The following ASPSCR1 variants were observed in gnomAD, a reference collection of about 807,000 sequenced individuals.
ASPSCR1 encodes ASPSCR1 tether for SLC2A4, UBX domain containing.
Under a neutral mutation model 68.9 loss-of-function variants are expected in ASPSCR1, and 55 were observed. That is an observed-to-expected ratio of 0.80 (90% confidence interval 0.64 to 1.00). The LOEUF is 1.00. ASPSCR1 is among the 50% of genes least tolerant of loss of function. The probability of loss-of-function intolerance (pLI) is 0.00; values close to 1 mark genes in which losing one functional copy is unlikely to be tolerated. For synonymous variants in ASPSCR1, 352 were observed against 332.6 expected (o/e 1.06, Z -0.63); for missense variants, 765 against 762.2 (o/e 1.00, Z -0.04).
intron 4 of ASPSCR1, among the ~76,000 whole-genome samples, chr17:81,988,111 T>C (rs1236295753): frequency 2.0e-5 from 3 of 150,042 alleles, no homozygotes; most frequent in Admixed American, 6.6e-5. Context: ...TGAGCCAAGA[T>C]TGCACTCAGC....
rs1199282231 is a variant in ASPSCR1 at position 81,983,613 on chromosome 17, A to G, written c.218A>G (p.Asn73Ser). The change falls in exon 3 of 16, where the codon AAT becomes AGT. Residue 73 changes from asparagine (N) to serine (S), a missense_variant. Transcript: ENST00000306739. The surrounding 1 kb of genome is among the most constrained non-coding windows in gnomAD (Gnocchi z 4.4). ...TGGAGATTTGCCAACCTGCCCAACA[A>G]TGCCAAGCTGGAGATGGTGCCCGCT... ...LQWRFANLPN[N>S]AKLEMVPASR... The G allele has an allele frequency of 5.0e-6, 8 of 1,613,568 alleles. No individual in the cohort carries two copies. The highest frequency in any genetic ancestry group is 3.3e-5 in the South Asian group (3 of 90,982).
chr17:82,014,746 G>T (rs866398894), intron 12 of ASPSCR1: 3 of 407,332 alleles, frequency 7.4e-6, no homozygotes, highest in Non-Finnish European at 1.4e-5. Context: ...TTGCTGCCCC[G>T]TGGGGGTTGA....
Position 81,987,553 on chromosome 17 carries a change from A to T in ASPSCR1, c.374+1946A>T, listed in dbSNP as rs2042036813. Among the ~76,000 whole-genome samples the T allele has an allele frequency of 6.6e-6, 1 of 152,156 alleles. No homozygotes were observed. Among genetic ancestry groups the T allele is most frequent in the East Asian group, 1.9e-4 (1 of 5,202 alleles). On this transcript the variant is annotated intron_variant, in intron 4 of 15. Transcript: ENST00000306739. The surrounding 1 kb of genome is among the most constrained non-coding windows in gnomAD (Gnocchi z 5.6). ...TCAGTCCTCAGATGGGGATGGAGGTAAGGAAATGGCCCAGAGTGGCCTGGG... is the reference window on the plus strand; with the variant it reads ...TCAGTCCTCAGATGGGGATGGAGGTTAGGAAATGGCCCAGAGTGGCCTGGG...
At chr17:81,994,938 G>T (rs750704780) in intron 5 of ASPSCR1, 60 bp downstream of exon 5, 1 of 1,523,050 alleles carries the variant, frequency 6.6e-7, no homozygotes, top group Admixed American at 1.8e-5. Flanking sequence ...TTTCCAACTG[G>T]AAAATCTGCT....
intron 6 of ASPSCR1, 119 bp downstream of exon 6, chr17:81,996,184 G>A (rs1165444432): frequency 2.2e-6 from 3 of 1,347,824 alleles, no homozygotes; most frequent in Non-Finnish European, 3.0e-6. Flanking sequence ...CCCTCATCAT[G>A]GAGAGCGCCT....
chr17:81,993,131 G>A (rs557030407), intron 4 of ASPSCR1, among the ~76,000 whole-genome samples: 3 of 152,304 alleles, frequency 2.0e-5, no homozygotes, highest in Non-Finnish European at 4.4e-5. Context: ...GGCTGGGCCT[G>A]TCCTGGGTGT....
intron 2 of ASPSCR1, among the ~76,000 whole-genome samples, chr17:81,979,787 TC>T (rs769244382): frequency 6.6e-6 from 1 of 152,002 alleles, no homozygotes; most frequent in Non-Finnish European, 1.5e-5. Context: ...TGCAGGTGGA[TC>T]CCTGCAGTCT....
At chr17:82,016,382 GGA>G in intron 12 of ASPSCR1, 92 bp from the exon 13 acceptor site, 1 of 1,158,008 alleles carries the variant, frequency 8.6e-7, no homozygotes, top group Non-Finnish European at 1.2e-6. Context: ...GTCTGAGGGT[GGA>G]GCTGGGGCCT....
chr17:81,984,897 CCACA>C (rs1231552842), intron 3 of ASPSCR1, among the ~76,000 whole-genome samples: 31 of 117,064 alleles, frequency 2.6e-4, no homozygotes, highest in South Asian at 6.2e-4. Context: ...CCACACACAC[CCACA>C]CACACCCCTA....
chr17:81,993,458 C>T (rs965579263), intron 4 of ASPSCR1, among the ~76,000 whole-genome samples: 12 of 152,174 alleles, frequency 7.9e-5, no homozygotes, highest in East Asian at 1.9e-4. Context: ...CGTGATCCGC[C>T]CATCTCGGCC....
intron 10 of ASPSCR1, 82 bp downstream of exon 10, chr17:82,010,950 G>T: frequency 6.6e-7 from 1 of 1,522,054 alleles, no homozygotes; most frequent in Non-Finnish European, 9.0e-7. Context: ...CAGGCCACAG[G>T]ACTGCAGCCA....
chr17:81,981,540 A>T (rs2041795947), intron 2 of ASPSCR1, among the ~76,000 whole-genome samples: 2 of 151,530 alleles, frequency 1.3e-5, no homozygotes, highest in African/African-American at 4.9e-5. Flanking sequence ...CATCATGCCC[A>T]GCTAATTTTT....
chr17:82,015,000 C>G, intron 12 of ASPSCR1: 5 of 1,458,624 alleles, frequency 3.4e-6, no homozygotes, highest in Non-Finnish European at 2.7e-6. Flanking sequence ...GCCCCTCAGC[C>G]TGTGCCTCCC....
chr17:81,991,971 G>A (rs1418944094), intron 4 of ASPSCR1, among the ~76,000 whole-genome samples: 1 of 152,264 alleles, frequency 6.6e-6, no homozygotes, highest in Non-Finnish European at 1.5e-5. Flanking sequence ...TAAAGAATAT[G>A]CCCTCGAAGC....
intron 2 of ASPSCR1, 81 bp downstream of exon 2, chr17:81,979,320 A>AG: frequency 6.7e-7 from 1 of 1,503,720 alleles, no homozygotes; most frequent in Non-Finnish European, 9.2e-7. Context: ...TCACTTGGAA[A>AG]AGCCCCCAGG....
At chr17:82,000,720 C>T (rs2042501623) in intron 7 of ASPSCR1, among the ~76,000 whole-genome samples, 2 of 152,226 alleles carry the variant, frequency 1.3e-5, no homozygotes, top group Admixed American at 6.5e-5. Context: ...CAGACCCGGG[C>T]GGTTCCTGCC....
chr17:82,002,850 G>A (rs766180144), intron 7 of ASPSCR1, among the ~76,000 whole-genome samples: 26 of 151,858 alleles, frequency 1.7e-4, no homozygotes, highest in Non-Finnish European at 1.2e-4. Context: ...GAGCCACCGC[G>A]CCCGGCCTGT....
intron 1 of ASPSCR1, 70 bp from the exon 2 acceptor site, chr17:81,979,114 C>A: frequency 6.4e-7 from 1 of 1,550,624 alleles, no homozygotes; most frequent in Non-Finnish European, 8.9e-7. Flanking sequence ...ATGCCCTTGG[C>A]TGACCTGGCC....
Position 82,009,094 on chromosome 17 carries a change from G to A in ASPSCR1, c.991G>A (p.Glu331Lys). Reference protein sequence around the residue: ...EPVVCHPDLEERLQAWPAELP... With the variant: ...EPVVCHPDLEKRLQAWPAELP... The stretch of plus-strand genomic sequence containing the variant: ...GGTGGTGTGCCACCCCGACCTGGAG[G>A]AGCGGCTGCAGGCCTGGCCAGCGGA... The change falls in exon 8 of 16, where the codon GAG (glutamate) becomes AAG (lysine). Residue 331 changes from glutamate to lysine, a missense_variant. Transcript: ENST00000306739. The A allele has an allele frequency of 6.3e-7, 1 of 1,589,840 alleles. No homozygotes were observed. The highest frequency in any genetic ancestry group is 8.6e-7 in the Non-Finnish European group (1 of 1,168,982).
Sources: gnomAD v4.1 joint callset for allele counts (sites outside exome capture counted in the v4.1 genomes callset) on GRCh38, gnomAD v4.1.1 for gene constraint, Gnocchi (gnomAD v3.1) non-coding constraint, MANE v1.5 for transcripts, NCBI Gene and HGNC (gene_info 2026-07-23, HGNC 2026-07-21) for gene names.